The following NLN variants were observed in gnomAD, a reference collection of about 807,000 sequenced individuals.
NLN encodes neurolysin, mitochondrial.
NLN carries 64 observed loss-of-function variants against 79.9 expected under a neutral mutation model. The observed-to-expected ratio is 0.80, with a 90% CI of 0.65 to 0.99. NLN has a LOEUF of 0.99. NLN is among the 50% of genes least tolerant of loss of function. NLN has a pLI of 0.00. For synonymous variants in NLN, 267 were observed against 296.6 expected (o/e 0.90, Z 1.02); for missense variants, 835 against 858.7 (o/e 0.97, Z 0.34).
At position 65,788,376 on chromosome 5, in the gene NLN, A is replaced by T; in HGVS notation, c.1217A>T (p.Glu406Val). Residue 406 changes from glutamate (E) to valine (V), a missense_variant, in exon 8 of 13, where the codon GAA becomes GTA. By Grantham distance (121) the Glu-to-Val change is moderately radical. Coordinates refer to ENST00000380985, the MANE Select transcript of NLN (RefSeq NM_020726.5). The stretch of plus-strand genomic sequence containing the variant: ...CAGGAGTTGTTGGGACTTTCATTTG[A>T]ACAAATGACAGATGCTCATGTTTGG... The part of the protein sequence containing the change: ...TYQELLGLSF[E>V]QMTDAHVWNK... The T allele has an allele frequency of 6.2e-7, 1 of 1,614,062 alleles. No individual in the cohort carries two copies. The highest frequency in any genetic ancestry group is 1.1e-5 in the South Asian group (1 of 91,084).
At chr5:65,769,432 C>T (rs1244469392) in intron 3 of NLN, among the ~76,000 whole-genome samples, 1 of 152,160 alleles carries the variant, frequency 6.6e-6, no homozygotes, top group East Asian at 1.9e-4. Flanking sequence ...AAGATAAGTG[C>T]TTGAGGGAAG....
At chr5:65,729,369 CTTTTT>C (rs34963968) in intron 1 of NLN, among the ~76,000 whole-genome samples, 2 of 101,062 alleles carry the variant, frequency 2.0e-5, no homozygotes, top group African/African-American at 4.0e-5. Flanking sequence ...GTTTTCTTTT[CTTTTT>C]TTTTTTTTTT....
In NLN at chr5:65,810,103, T is replaced by C. The variant is rs764523267; in HGVS notation, c.1781T>C (p.Leu594Pro). 17 of 1,614,026 alleles carry C rather than the reference T, an allele frequency of 1.1e-5. No individual in the cohort carries two copies. The highest frequency in any genetic ancestry group is 1.4e-5 in the Non-Finnish European group (16 of 1,179,872). ...CAGTCTCTTCATACCAACACATCGC[T>C]GGATGCTGCAAGTGAATATGCCAAA... ...VDQSLHTNTS[L>P]DAASEYAKYC... is the part of the protein sequence containing the mutation. The change falls in exon 11 of 13, where the codon CTG (leucine) becomes CCG (proline). Residue 594 changes from leucine (L) to proline (P), a missense_variant. Leu to Pro is a moderately conservative substitution (Grantham distance 98). Coordinates refer to ENST00000380985, the MANE Select transcript of NLN (RefSeq NM_020726.5).
At chr5:65,727,200 C>T (rs1433433162) in intron 1 of NLN, among the ~76,000 whole-genome samples, 2 of 152,192 alleles carry the variant, frequency 1.3e-5, no homozygotes, top group South Asian at 2.1e-4. Context: ...AGGTCTCACT[C>T]TGTCATCCAG....
In NLN at chr5:65,722,383, C is replaced by T. The variant is rs754392364; in HGVS notation, c.10C>T (p.Arg4Trp). The T allele has an allele frequency of 1.9e-6, 3 of 1,588,006 alleles. No homozygotes were observed. The highest frequency in any genetic ancestry group is 2.3e-5 in the South Asian group (2 of 87,184). Residue 4 changes from arginine (R) to tryptophan (W), a missense_variant, in exon 1 of 13, where the codon CGG becomes TGG. Transcript: ENST00000380985. MIA[R>W]CLLAVRSLRR... Reference sequence around the variant, plus strand: ...GCCTCTCAGCGCTCCCATGATCGCCCGGTGCCTTTTGGCTGTGCGAAGCCT... The same window carrying T: ...GCCTCTCAGCGCTCCCATGATCGCCTGGTGCCTTTTGGCTGTGCGAAGCCT...
At chr5:65,746,467 A>G (rs560755328) in intron 1 of NLN, among the ~76,000 whole-genome samples, 7 of 152,274 alleles carry the variant, frequency 4.6e-5, no homozygotes, top group African/African-American at 1.7e-4. Context: ...AGCAGTTTCC[A>G]TTTTTTTATG....
At chr5:65,821,939 G>A (rs1340524519) in intron 12 of NLN, among the ~76,000 whole-genome samples, 1 of 152,130 alleles carries the variant, frequency 6.6e-6, no homozygotes, top group Admixed American at 6.5e-5. Flanking sequence ...AGCTCTTCTT[G>A]TACTAAGTCC....
At chr5:65,789,832 C>A (rs1760017128) in intron 8 of NLN, among the ~76,000 whole-genome samples, 1 of 152,214 alleles carries the variant, frequency 6.6e-6, no homozygotes, top group Non-Finnish European at 1.5e-5. Flanking sequence ...TCCCTTCAGT[C>A]TGGCTGAGAG....
At chr5:65,788,539 T>C in intron 8 of NLN, 55 bp downstream of exon 8, 3 of 1,549,154 alleles carry the variant, frequency 1.9e-6, no homozygotes, top group Admixed American at 1.8e-5. Context: ...ATGCCTACTT[T>C]AAGACTCTAC....
At chr5:65,818,948 C>T (rs1760732213) in intron 12 of NLN, 1 of 152,190 alleles carries the variant, frequency 6.6e-6, no homozygotes, top group African/African-American at 2.4e-5. Flanking sequence ...TTTATATATT[C>T]TCATTGCTGA....
intron 6 of NLN, among the ~76,000 whole-genome samples, chr5:65,781,841 A>G (rs1057167286): frequency 6.6e-6 from 1 of 152,132 alleles, no homozygotes; most frequent in Non-Finnish European, 1.5e-5. Flanking sequence ...CCCATTCACC[A>G]TTTGTTAATT....
intron 3 of NLN, among the ~76,000 whole-genome samples, chr5:65,767,776 G>C (rs1331382686): frequency 6.6e-6 from 1 of 152,166 alleles, no homozygotes; most frequent in African/African-American, 2.4e-5. Context: ...GCTGTATGCT[G>C]TTAGGAGCAC....
chr5:65,782,141 G>T (rs1759814579), intron 6 of NLN, among the ~76,000 whole-genome samples: 1 of 152,192 alleles, frequency 6.6e-6, no homozygotes, highest in Non-Finnish European at 1.5e-5. Flanking sequence ...ACGTTTCTTG[G>T]TTAGCTTGTT....
At chr5:65,816,887 G>A (rs995586482) in intron 12 of NLN, among the ~76,000 whole-genome samples, 5 of 152,096 alleles carry the variant, frequency 3.3e-5, no homozygotes, top group Admixed American at 1.3e-4. Flanking sequence ...CCTTCAAAGC[G>A]TCAGTGCCTT....
chr5:65,728,947 G>A (rs138963549), intron 1 of NLN, among the ~76,000 whole-genome samples: 3,572 of 152,178 alleles, frequency 0.023, 148 homozygotes, highest in African/African-American at 0.081. Context: ...GGGCTCAAAC[G>A]ATCCTCCCAC....
At chr5:65,731,454 G>A (rs1029613139) in intron 1 of NLN, among the ~76,000 whole-genome samples, 3 of 152,146 alleles carry the variant, frequency 2.0e-5, no homozygotes, top group Non-Finnish European at 4.4e-5. Context: ...AGAAATATTA[G>A]TTACTGTTTT....
At chr5:65,730,503 C>T (rs1758581028) in intron 1 of NLN, among the ~76,000 whole-genome samples, 2 of 151,100 alleles carry the variant, frequency 1.3e-5, no homozygotes, top group South Asian at 4.2e-4. Context: ...GGAGATGAGA[C>T]AGGGAAAAAT....
rs560646323 is a variant in NLN, at chr5:65,823,368, T to C, written c.*453T>C. ...TATTTTCTTGGAGCTCTGTGTCAAC[T>C]TTGATCCTTTGTCTCCCAGGAAGGT... On this transcript the variant is annotated 3_prime_UTR_variant, in exon 13 of 13. Coordinates refer to ENST00000380985, the MANE Select transcript of NLN (RefSeq NM_020726.5). 2.6e-5 allele frequency: 4 copies of C among 156,498 alleles called. No individual in the cohort carries two copies. Among genetic ancestry groups the C allele is most frequent in the African/African-American group, 7.2e-5 (3 of 41,606 alleles). The allele number at this position is 156,498 out of a possible 1,614,324, so 9.7% of individuals were successfully genotyped here.
intron 9 of NLN, among the ~76,000 whole-genome samples, chr5:65,804,216 C>T (rs1211842379): frequency 6.6e-6 from 1 of 152,154 alleles, no homozygotes; most frequent in African/African-American, 2.4e-5. Flanking sequence ...GTTATGAAGT[C>T]AGACTGCCTG....
Sources: gnomAD v4.1 joint callset for allele counts (sites outside exome capture counted in the v4.1 genomes callset) on GRCh38, gnomAD v4.1.1 for gene constraint, MANE v1.5 for transcripts, NCBI Gene and HGNC (gene_info 2026-07-23, HGNC 2026-07-21) for gene names.